The following LIMK2 variants were observed in gnomAD, a reference collection of about 807,000 sequenced individuals.
LIMK2 encodes the protein LIM domain kinase 2.
Under a neutral mutation model 75.7 loss-of-function variants are expected in LIMK2, and 35 were observed. The observed-to-expected ratio is 0.46, with a 90% CI of 0.35 to 0.61. The LOEUF is 0.61. Ranked by LOEUF, LIMK2 falls within the 20% of genes least tolerant of loss-of-function variation. The pLI, the probability that LIMK2 is intolerant of heterozygous loss-of-function variation, is 0.00. For missense variants in LIMK2, 623 were observed against 831.0 expected (o/e 0.75, Z 3.08); for synonymous variants, 301 against 319.2 (o/e 0.94, Z 0.61).
chr22:31,257,157 G>C (rs559622072), intron 2 of LIMK2, among the ~76,000 whole-genome samples: 2 of 146,242 alleles, frequency 1.4e-5, no homozygotes, highest in Middle Eastern at 3.6e-3. Context: ...CTCCCAAAGT[G>C]CTGGGATTAG....
At chr22:31,270,083 C>G (rs1299218828) in intron 11 of LIMK2, among the ~76,000 whole-genome samples, 1 of 152,268 alleles carries the variant, frequency 6.6e-6, no homozygotes, top group Admixed American at 6.5e-5. Flanking sequence ...GCATTGATCC[C>G]TGCTGTTCTG....
intron 7 of LIMK2, 77 bp from the exon 8 acceptor site, chr22:31,265,869 A>G (rs1483710417): frequency 1.6e-6 from 2 of 1,219,954 alleles, no homozygotes; most frequent in African/African-American, 3.0e-5. Flanking sequence ...AGGTGCCCCT[A>G]AGTTTCCTCC....
chr22:31,220,554 GGA>G (rs1272435707), intron 1 of LIMK2, among the ~76,000 whole-genome samples: 1 of 152,168 alleles, frequency 6.6e-6, no homozygotes, highest in East Asian at 1.9e-4. Context: ...AGGGACTGAA[GGA>G]GAGAGAAACA....
Position 31,278,563 on chromosome 22 carries a change from A to G in LIMK2, c.*122A>G, listed in dbSNP as rs545786090. ...GATTGGCGGAATGTTTAGAAGCAGAACAAGCCATTCCTATTACCTCCCCAG... is the reference window on the plus strand; with the variant it reads ...GATTGGCGGAATGTTTAGAAGCAGAGCAAGCCATTCCTATTACCTCCCCAG... On this transcript the variant is annotated 3_prime_UTR_variant, in exon 16 of 16. Coordinates refer to ENST00000331728, the MANE Select transcript of LIMK2 (RefSeq NM_005569.4). 2.7e-6 allele frequency: 3 copies of G among 1,127,602 alleles called. No homozygotes were observed. In the South Asian group the frequency reaches 5.2e-5, roughly 19 times the overall value. 69.8% of individuals were successfully genotyped at this position (1,127,602 alleles called of 1,614,324 possible). A position where few individuals can be genotyped will look rare whatever the true frequency, so the allele number is the denominator to read the frequency against.
rs112371504 is a variant in LIMK2 at position 31,240,942 on chromosome 22, G to A, written c.116+15123G>A. On this transcript the variant is annotated intron_variant, in intron 2 of 15. Transcript: ENST00000331728. ...AAGCTATCTGTACATTCATTTTCTCGTTTGTAACAAGGTAATGATAGTGAT... is the reference window on the plus strand; with the variant it reads ...AAGCTATCTGTACATTCATTTTCTCATTTGTAACAAGGTAATGATAGTGAT... Among the ~76,000 whole-genome samples the A allele has an allele frequency of 5.4e-4, 82 of 152,260 alleles. 4 individuals carry two copies. Among genetic ancestry groups the A allele is most frequent in the African/African-American group, 1.8e-3 (73 of 41,542 alleles).
rs770827714 is a variant in LIMK2 at position 31,272,623 on chromosome 22, C to T, written c.1477C>T (p.Arg493Cys). Residue 493 changes from arginine (R) to cysteine (C), a missense_variant, in exon 13 of 16, where the codon CGC becomes TGC. Arg to Cys is a radical substitution (Grantham distance 180, BLOSUM62 -3). This residue lies in a region of LIMK2 where 514 missense variants were observed against 661.3 expected (regional missense o/e 0.78). Coordinates refer to ENST00000331728, the MANE Select transcript of LIMK2 (RefSeq NM_005569.4). ...APMEKATTKK[R>C]TLRKNDRKKR... ...CATGGAGAAGGCCACCACCAAGAAA[C>T]GCACCTTGCGCAAGAACGACCGCAA... 7 of 1,613,924 alleles carry T rather than the reference C, an allele frequency of 4.3e-6. No individual in the cohort carries two copies. Among genetic ancestry groups the T allele is most frequent in the Admixed American group, 3.3e-5 (2 of 60,000 alleles).
At position 31,258,399 on chromosome 22, in the gene LIMK2, C is replaced by T; in HGVS notation, c.225C>T (p.Cys75=). 6.2e-7 allele frequency: 1 copy of T among 1,614,154 alleles called. No individual in the cohort carries two copies. The change falls in exon 3 of 16, where the codon TGC becomes TGT. Residue 75 remains cysteine, a synonymous_variant. Coordinates refer to ENST00000331728, the MANE Select transcript of LIMK2 (RefSeq NM_005569.4). ...AGTTTGGGGAGTTCTGTCATGGGTG[C>T]TCCCTGCTGATGACAGGGCCTTTTA... ...WGKFGEFCHG[C]SLLMTGPFMV...
intron 7 of LIMK2, among the ~76,000 whole-genome samples, chr22:31,263,735 C>A (rs147912729): frequency 3.2e-4 from 49 of 152,212 alleles, no homozygotes; most frequent in African/African-American, 1.2e-3. Context: ...CTGTGGCTCA[C>A]ACCTGTAATC....
chr22:31,253,300 T>C (rs2048744108), intron 2 of LIMK2, among the ~76,000 whole-genome samples: 2 of 152,174 alleles, frequency 1.3e-5, no homozygotes, highest in Admixed American at 1.3e-4. Flanking sequence ...CTTCCAAAAA[T>C]TGAAAGGTAG....
intron 1 of LIMK2, among the ~76,000 whole-genome samples, chr22:31,214,298 A>G (rs1377347601): frequency 6.6e-6 from 1 of 152,216 alleles, no homozygotes; most frequent in African/African-American, 2.4e-5. Flanking sequence ...TCTGTGTCAT[A>G]TACTTAGCCA....
At chr22:31,228,911 T>C (rs929246997) in intron 2 of LIMK2, among the ~76,000 whole-genome samples, 2 of 151,406 alleles carry the variant, frequency 1.3e-5, no homozygotes, top group African/African-American at 4.9e-5. Flanking sequence ...GCCACTGTAC[T>C]CCATCCAGCT....
At chr22:31,259,706 C>G (rs550858645) in intron 4 of LIMK2, among the ~76,000 whole-genome samples, 183 bp from the exon 5 acceptor site, 1 of 152,298 alleles carries the variant, frequency 6.6e-6, no homozygotes, top group East Asian at 1.9e-4. Context: ...AGCTCAGCAC[C>G]CCCAGTCCCA....
At chr22:31,266,932 T>G in intron 8 of LIMK2, 52 bp from the exon 9 acceptor site, 1 of 1,294,716 alleles carries the variant, frequency 7.7e-7, no homozygotes, top group Non-Finnish European at 1.1e-6. Context: ...CTCAAACAGT[T>G]CTCCAGAACT....
At chr22:31,271,301 G>C in intron 12 of LIMK2, 100 bp downstream of exon 12, 1 of 1,015,508 alleles carries the variant, frequency 9.8e-7, no homozygotes, top group Non-Finnish European at 1.6e-6. Context: ...AGAGGGCAGA[G>C]GTGTTGCCTA....
intron 5 of LIMK2, 94 bp downstream of exon 5, chr22:31,260,171 TC>T (rs1457609442): frequency 2.0e-6 from 2 of 1,020,938 alleles, no homozygotes; most frequent in Non-Finnish European, 2.8e-6. Context: ...CATGCAGAAC[TC>T]CCTTTATTCT....
intron 15 of LIMK2, chr22:31,277,523 A>C: frequency 9.8e-7 from 1 of 1,017,908 alleles, no homozygotes; most frequent in African/African-American, 1.7e-5. Flanking sequence ...GCAGTCCTTC[A>C]GTAACACCAG....
intron 1 of LIMK2, among the ~76,000 whole-genome samples, chr22:31,219,623 G>A (rs1414976364): frequency 6.6e-6 from 1 of 152,022 alleles, no homozygotes; most frequent in African/African-American, 2.4e-5. Context: ...CCAAGCTGGA[G>A]CGCAGTGGCA....
At chr22:31,265,099 C>T (rs1180408818) in intron 7 of LIMK2, among the ~76,000 whole-genome samples, 1 of 145,906 alleles carries the variant, frequency 6.9e-6, no homozygotes, top group Non-Finnish European at 1.5e-5. Flanking sequence ...GAGGCTGAGG[C>T]AGGAGAATCT....
chr22:31,259,761 G>C, intron 4 of LIMK2, 128 bp from the exon 5 acceptor site: 1 of 779,622 alleles, frequency 1.3e-6, no homozygotes, highest in Non-Finnish European at 1.9e-6. Flanking sequence ...CAGCCAGCTA[G>C]AATCATGACA....
Sources: allele counts gnomAD v4.1 joint callset (sites outside exome capture counted in the v4.1 genomes callset), GRCh38; gene constraint gnomAD v4.1.1; regional missense constraint gnomAD v4.1.1; transcripts MANE v1.5; gene names NCBI Gene and HGNC (gene_info 2026-07-23, HGNC 2026-07-21).